Variants in ARHGAP23 observed in about 807,000 individuals in gnomAD.
ARHGAP23 encodes the protein rho GTPase-activating protein 23.
ARHGAP23 carries 34 observed loss-of-function variants against 136.3 expected under a neutral mutation model. That is an observed-to-expected ratio of 0.25 (90% confidence interval 0.19 to 0.33). ARHGAP23 has a LOEUF of 0.33. ARHGAP23 is among the 10% of genes least tolerant of loss of function. The probability of loss-of-function intolerance (pLI) is 1.00; values close to 1 mark genes in which losing one functional copy is unlikely to be tolerated. For missense variants in ARHGAP23, 1,808 were observed against 2,139.0 expected (o/e 0.85, Z 3.05); for synonymous variants, 832 against 920.5 (o/e 0.90, Z 1.74).
At chr17:38,426,550 C>CAAAGAAAAAAAAAAAAA (rs2038572170), upstream of ARHGAP23, among the ~76,000 whole-genome samples, 1 of 51,230 alleles carries the variant, frequency 2.0e-5, no homozygotes. Context: ...AACTCCATCT[C>CAAAGAAAAAAAAAAAAA]AAAAAAAAAA....
chr17:38,446,995 T>A (rs927637887), intron 1 of ARHGAP23, among the ~76,000 whole-genome samples: 3 of 152,066 alleles, frequency 2.0e-5, no homozygotes, highest in African/African-American at 7.2e-5. Flanking sequence ...GCATTTTTTA[T>A]AAAGATGGGG....
intron 23 of ARHGAP23, among the ~76,000 whole-genome samples, chr17:38,503,946 G>C (rs1183063457): frequency 6.6e-6 from 1 of 152,200 alleles, no homozygotes; most frequent in Non-Finnish European, 1.5e-5. Context: ...AACTTTTCAC[G>C]AACATCGGTT....
chr17:38,428,422 C>A, upstream of ARHGAP23: 1 of 966,298 alleles, frequency 1.0e-6, no homozygotes, highest in Non-Finnish European at 1.4e-6. Flanking sequence ...CCGGCCCCGC[C>A]CCTCCCGGGT....
intron 10 of ARHGAP23, 63 bp downstream of exon 10, chr17:38,469,967 G>A (rs2039709094): frequency 6.5e-7 from 1 of 1,533,090 alleles, no homozygotes; most frequent in African/African-American, 1.4e-5. Flanking sequence ...GGGTGTCAGG[G>A]AGGTGGGGCC....
intron 23 of ARHGAP23, among the ~76,000 whole-genome samples, chr17:38,501,397 G>A (rs1397108793): frequency 6.6e-6 from 1 of 152,096 alleles, no homozygotes; most frequent in Non-Finnish European, 1.5e-5. Flanking sequence ...CGCCTCCCAG[G>A]TTCACACCAT....
Position 38,496,647 on chromosome 17 carries a change from G to A in ARHGAP23, c.3277-1138G>A, listed in dbSNP as rs1314274479. 2.6e-5 allele frequency among the ~76,000 whole-genome samples: 4 copies of A among 152,228 alleles called. No individual in the cohort carries two copies. In the East Asian group the frequency reaches 7.7e-4, roughly 29 times the overall value. ...CAAGGCCAGGTGTGGTGGCTCCAGAGAGCAGGAGGTTCACTTAAGGGGTGA... is the reference window on the plus strand; with the variant it reads ...CAAGGCCAGGTGTGGTGGCTCCAGAAAGCAGGAGGTTCACTTAAGGGGTGA... On this transcript the variant is annotated intron_variant, in intron 20 of 23. Transcript: ENST00000622683.
intron 3 of ARHGAP23, among the ~76,000 whole-genome samples, chr17:38,462,587 A>G (rs1288685042): frequency 6.6e-6 from 1 of 152,186 alleles, no homozygotes; most frequent in South Asian, 2.1e-4. Flanking sequence ...TTTTTAGCAC[A>G]TGAAGAGGAC....
intron 11 of ARHGAP23, among the ~76,000 whole-genome samples, chr17:38,476,019 C>T (rs1338580266): frequency 2.0e-5 from 3 of 152,166 alleles, no homozygotes; most frequent in Non-Finnish European, 2.9e-5. Context: ...AGGCTTGGCT[C>T]GCTCACCTGC....
chr17:38,437,802 G>T (rs1188930202), intron 1 of ARHGAP23, among the ~76,000 whole-genome samples: 1 of 151,574 alleles, frequency 6.6e-6, no homozygotes, highest in Non-Finnish European at 1.5e-5. Context: ...CGAAGGGGGG[G>T]GAGGGCAGAT....
At chr17:38,423,250 C>T (rs372099513) in intron 1 of ARHGAP23, among the ~76,000 whole-genome samples, 19 of 151,486 alleles carry the variant, frequency 1.3e-4, no homozygotes, top group African/African-American at 3.4e-4. Flanking sequence ...TGGAGTGCCG[C>T]GGCATGATCT....
intron 6 of ARHGAP23, among the ~76,000 whole-genome samples, chr17:38,464,975 C>CGCCAGCCA (rs1567796933): frequency 2.0e-5 from 3 of 152,152 alleles, no homozygotes; most frequent in Non-Finnish European, 4.4e-5. Context: ...CTCCTCCTCC[C>CGCCAGCCA]GCCAGCCAGC....
intron 1 of ARHGAP23, among the ~76,000 whole-genome samples, chr17:38,433,595 T>C (rs1327086639): frequency 1.3e-5 from 2 of 152,174 alleles, no homozygotes; most frequent in Non-Finnish European, 2.9e-5. Context: ...TTAAGGGCCC[T>C]GCCTTGGGAT....
At chr17:38,434,162 G>A (rs1393362308) in intron 1 of ARHGAP23, among the ~76,000 whole-genome samples, 1 of 152,086 alleles carries the variant, frequency 6.6e-6, no homozygotes, top group African/African-American at 2.4e-5. Context: ...AGGGGTTTGG[G>A]TGTATGGTGG....
At chr17:38,431,947 G>C (rs562474515) in intron 1 of ARHGAP23, among the ~76,000 whole-genome samples, 1 of 152,340 alleles carries the variant, frequency 6.6e-6, no homozygotes, top group Admixed American at 6.5e-5. Flanking sequence ...GAGCTGCAGG[G>C]ATGAGTGGAC....
rs1204603061 is a variant in ARHGAP23, at chr17:38,505,006, T to C, written c.3447+4378T>C. On this transcript the variant is annotated intron_variant, in intron 23 of 23. Coordinates refer to ENST00000622683, the MANE Select transcript of ARHGAP23 (RefSeq NM_001199417.2). ...TTTTTTTTTTTTTTTTTTTTTTTTTTTTTTTTTTTTTTTTTTTGAGACAGG... is the reference window on the plus strand; with the variant it reads ...TTTTTTTTTTTTTTTTTTTTTTTTTCTTTTTTTTTTTTTTTTTGAGACAGG... Among the ~76,000 whole-genome samples, 353 of 104,052 alleles carry C rather than the reference T, an allele frequency of 3.4e-3. 2 individuals carry two copies. The highest frequency in any genetic ancestry group is 5.9e-3 in the Non-Finnish European group (305 of 51,286). 68.3% of individuals were successfully genotyped at this position (104,052 alleles called of 152,430 possible). A position where few individuals can be genotyped will look rare whatever the true frequency, so the allele number is the denominator to read the frequency against.
At chr17:38,430,514 A>G (rs149193821) in intron 1 of ARHGAP23, among the ~76,000 whole-genome samples, 1 of 152,326 alleles carries the variant, frequency 6.6e-6, no homozygotes, top group Non-Finnish European at 1.5e-5. Context: ...AGAGCAGTGC[A>G]GGAGTGGGTA....
intron 19 of ARHGAP23, among the ~76,000 whole-genome samples, chr17:38,490,887 G>C (rs2040263053): frequency 6.6e-6 from 1 of 152,198 alleles, no homozygotes; most frequent in South Asian, 2.1e-4. Context: ...TGGGGAAAAT[G>C]AGGGGAGTGA....
At chr17:38,471,832 C>G (rs1223689781) in intron 10 of ARHGAP23, 31 bp from the exon 11 acceptor site, 1 of 1,516,194 alleles carries the variant, frequency 6.6e-7, no homozygotes, top group African/African-American at 1.4e-5. Context: ...GTGGGAGCCA[C>G]CCTAAATTGT....
rs563122120 is a variant in ARHGAP23, at chr17:38,466,621, G to A, written c.938G>A (p.Arg313His). Reference sequence around the variant, plus strand: ...TGCCCAGCCATGGCCCCCCGGGCCCGCAGCGCCTCCCAGGACCGGTTGGAG... The same window carrying A: ...TGCCCAGCCATGGCCCCCCGGGCCCACAGCGCCTCCCAGGACCGGTTGGAG... ...RRCPAMAPRA[R>H]SASQDRLEEV... The change falls in exon 7 of 24, where the codon CGC (arginine) becomes CAC (histidine). Residue 313 changes from arginine to histidine, a missense_variant. By Grantham distance (29) the Arg-to-His change is conservative. Transcript: ENST00000622683. 4.6e-6 allele frequency: 7 copies of A among 1,515,440 alleles called. No individual in the cohort carries two copies. Among genetic ancestry groups the A allele is most frequent in the East Asian group, 2.5e-5 (1 of 40,702 alleles). 93.9% of individuals were successfully genotyped at this position (1,515,440 alleles called of 1,614,324 possible).
Sources: gnomAD v4.1 joint callset for allele counts (sites outside exome capture counted in the v4.1 genomes callset) on GRCh38, gnomAD v4.1.1 for gene constraint, MANE v1.5 for transcripts, NCBI Gene and HGNC (gene_info 2026-07-23, HGNC 2026-07-21) for gene names.